SEPTIN9: variants seen among roughly 807,000 people sequenced by gnomAD.
SEPTIN9 encodes the protein septin 9, also known as septin-9.
Under a neutral mutation model 56.6 loss-of-function variants are expected in SEPTIN9, and 13 were observed. The ratio of observed to expected loss-of-function variants is 0.23; its 90% CI spans 0.15 to 0.37. SEPTIN9 has a LOEUF of 0.37. Among genes scored for constraint, SEPTIN9 ranks in the 10% least tolerant of loss-of-function variants. The pLI, the probability that SEPTIN9 is intolerant of heterozygous loss-of-function variation, is 1.00. For synonymous variants in SEPTIN9, 332 were observed against 334.1 expected (o/e 0.99, Z 0.07); for missense variants, 650 against 823.1 (o/e 0.79, Z 2.57).
intron 1 of SEPTIN9, among the ~76,000 whole-genome samples, chr17:77,283,690 A>T (rs2031141173): frequency 6.6e-6 from 1 of 152,182 alleles, no homozygotes; most frequent in African/African-American, 2.4e-5. Context: ...AATGACCATA[A>T]TGTTGTTCCC....
chr17:77,413,077 G>A (rs117412858), intron 3 of SEPTIN9, among the ~76,000 whole-genome samples: 1,571 of 142,062 alleles, frequency 0.011, 13 homozygotes, highest in Middle Eastern at 0.017. Flanking sequence ...TTGGTCTGGA[G>A]CGGGTGGGGC....
chr17:77,332,054 T>C (rs1250572376), intron 2 of SEPTIN9, among the ~76,000 whole-genome samples: 1 of 151,998 alleles, frequency 6.6e-6, no homozygotes, highest in Non-Finnish European at 1.5e-5. Context: ...GGTAGGAGGA[T>C]CACTTGAGCC....
intron 2 of SEPTIN9, among the ~76,000 whole-genome samples, chr17:77,386,356 C>G (rs1208723088): frequency 6.6e-6 from 1 of 152,158 alleles, no homozygotes; most frequent in African/African-American, 2.4e-5. Context: ...GTAGCCCACG[C>G]TGTCCGGGAA....
chr17:77,382,586 G>A (rs9891125), intron 2 of SEPTIN9, among the ~76,000 whole-genome samples: 1,665 of 152,348 alleles, frequency 0.011, 28 homozygotes, highest in African/African-American at 0.038. Flanking sequence ...CCAGGGTGGT[G>A]AAATAACCCA....
chr17:77,399,228 G>C (rs2035824822), intron 2 of SEPTIN9, among the ~76,000 whole-genome samples: 1 of 152,220 alleles, frequency 6.6e-6, no homozygotes, highest in Admixed American at 6.5e-5. Flanking sequence ...ATCATGAGTT[G>C]GCCATGGTGG....
At position 77,326,687 on chromosome 17, in the gene SEPTIN9, C is replaced by A. The variant is rs961428729; in HGVS notation, c.76+19490C>A. Among the ~76,000 whole-genome samples, 1 of 152,166 alleles carries A rather than the reference C, an allele frequency of 6.6e-6. No individual in the cohort carries two copies. Among genetic ancestry groups the A allele is most frequent in the Non-Finnish European group, 1.5e-5 (1 of 68,024 alleles). On this transcript the variant is annotated intron_variant, in intron 2 of 11. Transcript: ENST00000427177. The surrounding 1 kb of genome is among the most constrained non-coding windows in gnomAD (Gnocchi z 5.1). ...ATCCTTGGAATCTCCAAAGTGATGT[C>A]TTTTTGGATGCTCATGATTGACAGA... is the stretch of plus-strand genomic sequence containing the variant.
At chr17:77,474,195 G>A (rs573259836) in intron 3 of SEPTIN9, among the ~76,000 whole-genome samples, 1 of 152,200 alleles carries the variant, frequency 6.6e-6, no homozygotes, top group Non-Finnish European at 1.5e-5. Flanking sequence ...TGTCTGCTGG[G>A]TAGATCTACC....
intron 4 of SEPTIN9, among the ~76,000 whole-genome samples, chr17:77,485,964 G>A (rs1458955710): frequency 6.6e-6 from 1 of 152,000 alleles, no homozygotes; most frequent in Non-Finnish European, 1.5e-5. Flanking sequence ...TCAGGCATGT[G>A]CCACCATACC....
At chr17:77,331,475 G>T (rs1036660798) in intron 2 of SEPTIN9, among the ~76,000 whole-genome samples, 4 of 152,140 alleles carry the variant, frequency 2.6e-5, no homozygotes, top group African/African-American at 9.7e-5. Context: ...GGCATTTCCC[G>T]TGCACCAGTG....
At chr17:77,424,055 G>T (rs950222667) in intron 3 of SEPTIN9, among the ~76,000 whole-genome samples, 2 of 152,232 alleles carry the variant, frequency 1.3e-5, no homozygotes, top group Non-Finnish European at 2.9e-5. Context: ...ACGCAAGGAG[G>T]CTGTCATTCC....
At position 77,456,102 on chromosome 17, in the gene SEPTIN9, C is replaced by T. The variant is rs896112641; in HGVS notation, c.722-26042C>T. The stretch of plus-strand genomic sequence containing the variant: ...GGCCGGAGGAAACACTGCCCGTGGC[C>T]GGTGTCATCTGCCAGCCCTGAAGAC... On this transcript the variant is annotated intron_variant, in intron 3 of 11. Coordinates refer to ENST00000427177, the MANE Select transcript of SEPTIN9 (RefSeq NM_001113491.2). The surrounding 1 kb of genome is among the most constrained non-coding windows in gnomAD (Gnocchi z 6.0). Among the ~76,000 whole-genome samples the T allele has an allele frequency of 6.2e-5, 9 of 144,294 alleles. No homozygotes were observed. The highest frequency in any genetic ancestry group is 4.4e-4 in the South Asian group (2 of 4,512). 94.7% of individuals were successfully genotyped at this position (144,294 alleles called of 152,430 possible). A position where few individuals can be genotyped will look rare whatever the true frequency, so the allele number is the denominator to read the frequency against.
rs2033274237 is a variant in SEPTIN9, at chr17:77,329,688, G to A, written c.76+22491G>A. 6.6e-6 allele frequency among the ~76,000 whole-genome samples: 1 copy of A among 152,152 alleles called. No homozygotes were observed. ...CTGCTGGTGCCCCCATCCCCAAGCAGGAACCCTGGTGCCTGGTGCCTGAGG... is the reference window on the plus strand; with the variant it reads ...CTGCTGGTGCCCCCATCCCCAAGCAAGAACCCTGGTGCCTGGTGCCTGAGG... On this transcript the variant is annotated intron_variant, in intron 2 of 11. Transcript: ENST00000427177. The surrounding 1 kb of genome is among the most constrained non-coding windows in gnomAD (Gnocchi z 4.3).
intron 2 of SEPTIN9, among the ~76,000 whole-genome samples, chr17:77,321,171 G>A (rs2032906619): frequency 6.6e-6 from 1 of 152,180 alleles, no homozygotes; most frequent in African/African-American, 2.4e-5. Flanking sequence ...GGGAGACATG[G>A]GGTGGCTGAG....
In SEPTIN9 at chr17:77,369,987, C is replaced by T. The variant is rs2034672327; in HGVS notation, c.77-32072C>T. Among the ~76,000 whole-genome samples, 1 of 152,232 alleles carries T rather than the reference C, an allele frequency of 6.6e-6. No homozygotes were observed. Among genetic ancestry groups the T allele is most frequent in the East Asian group, 1.9e-4 (1 of 5,204 alleles). Reference sequence around the variant, plus strand: ...AGGCGTGCAGGGGTTTCCTATGGCTCTCTTCCCTGTCCCCATCCCCCTTCC... The same window carrying T: ...AGGCGTGCAGGGGTTTCCTATGGCTTTCTTCCCTGTCCCCATCCCCCTTCC... On this transcript the variant is annotated intron_variant, in intron 2 of 11. Coordinates refer to ENST00000427177, the MANE Select transcript of SEPTIN9 (RefSeq NM_001113491.2). The surrounding 1 kb of genome is among the most constrained non-coding windows in gnomAD (Gnocchi z 4.9).
At chr17:77,336,007 G>A (rs11870846) in intron 2 of SEPTIN9, among the ~76,000 whole-genome samples, 5,447 of 43,448 alleles carry the variant, frequency 0.13, 1,561 homozygotes, top group Middle Eastern at 0.22. Context: ...TATATGTACT[G>A]TATACATGTA....
At chr17:77,464,015 A>G (rs763978557) in intron 3 of SEPTIN9, among the ~76,000 whole-genome samples, 1 of 152,178 alleles carries the variant, frequency 6.6e-6, no homozygotes, top group Non-Finnish European at 1.5e-5. Context: ...GACGACTCAG[A>G]TGACTCTGTT....
At chr17:77,390,342 G>A (rs1393533253) in intron 2 of SEPTIN9, among the ~76,000 whole-genome samples, 2 of 40,920 alleles carry the variant, frequency 4.9e-5, no homozygotes, top group African/African-American at 1.8e-4. Context: ...GCAAGACTCC[G>A]TCTTAAAAAA....
At chr17:77,292,484 T>G (rs1243686233) in intron 1 of SEPTIN9, among the ~76,000 whole-genome samples, 1 of 151,356 alleles carries the variant, frequency 6.6e-6, no homozygotes, top group Non-Finnish European at 1.5e-5. Context: ...AGTCTGCAGT[T>G]TTTTGTTTTT....
chr17:77,496,516 A>G (rs1017979725), intron 10 of SEPTIN9: 5 of 152,220 alleles, frequency 3.3e-5, no homozygotes, highest in African/African-American at 9.7e-5. Flanking sequence ...GTTATATAAC[A>G]GTTACACATG....
Sources: gnomAD v4.1 joint callset for allele counts (sites outside exome capture counted in the v4.1 genomes callset) on GRCh38, gnomAD v4.1.1 for gene constraint, Gnocchi (gnomAD v3.1) non-coding constraint, MANE v1.5 for transcripts, NCBI Gene and HGNC (gene_info 2026-07-23, HGNC 2026-07-21) for gene names.